The following ZDHHC20 variants were observed in gnomAD, a reference collection of about 807,000 sequenced individuals.
ZDHHC20 encodes the protein palmitoyltransferase ZDHHC20.
Under a neutral mutation model 57.8 loss-of-function variants are expected in ZDHHC20, and 43 were observed. The observed-to-expected ratio is 0.74, with a 90% CI of 0.58 to 0.96. The LOEUF (loss-of-function observed/expected upper bound fraction) is 0.96, where lower values mean the gene tolerates loss of function less well. Ranked by LOEUF, ZDHHC20 falls within the 40% of genes least tolerant of loss-of-function variation. The probability of loss-of-function intolerance (pLI) is 0.00; values close to 1 mark genes in which losing one functional copy is unlikely to be tolerated. For missense variants in ZDHHC20, 391 were observed against 441.1 expected, an observed-to-expected ratio of 0.89 and a Z score of 1.02; for synonymous variants, 157 against 153.0, an observed-to-expected ratio of 1.03 and a Z score of -0.19.
chr13:21,380,932 C>T (rs1387283005), intron 11 of ZDHHC20, among the ~76,000 whole-genome samples: 2 of 152,030 alleles, frequency 1.3e-5, no homozygotes, highest in African/African-American at 2.4e-5. Flanking sequence ...ATACTCTCCT[C>T]GCTCTATCCC....
intron 9 of ZDHHC20, among the ~76,000 whole-genome samples, chr13:21,386,798 C>T (rs1467300180): frequency 6.6e-6 from 1 of 152,228 alleles, no homozygotes; most frequent in Non-Finnish European, 1.5e-5. Context: ...ATTCACCTGC[C>T]TCGGCCTCCC....
chr13:21,380,351 T>C (rs926473961), intron 11 of ZDHHC20, among the ~76,000 whole-genome samples: 3 of 151,574 alleles, frequency 2.0e-5, no homozygotes, highest in African/African-American at 7.3e-5. Context: ...CTTGACCTTG[T>C]GATCCACCCA....
intron 1 of ZDHHC20, among the ~76,000 whole-genome samples, chr13:21,430,997 T>C (rs1881850784): frequency 6.6e-6 from 1 of 152,212 alleles, no homozygotes; most frequent in African/African-American, 2.4e-5. Flanking sequence ...AGCATTCTGT[T>C]ATATGGAGGT....
intron 1 of ZDHHC20, among the ~76,000 whole-genome samples, chr13:21,426,699 A>G (rs529123316): frequency 6.8e-6 from 1 of 146,466 alleles, no homozygotes; most frequent in Non-Finnish European, 1.5e-5. Context: ...TCCACCTCCC[A>G]GGTTCAAGTG....
At chr13:21,404,220 C>T in intron 4 of ZDHHC20, 1 of 446,518 alleles carries the variant, frequency 2.2e-6, no homozygotes. Flanking sequence ...GGTGCGGTGG[C>T]TCACTTGGAA....
chr13:21,430,323 G>A (rs1425058130), intron 1 of ZDHHC20, among the ~76,000 whole-genome samples: 1 of 152,076 alleles, frequency 6.6e-6, no homozygotes, highest in Admixed American at 6.6e-5. Context: ...GGGAAGGGTA[G>A]AGGTGCCTCC....
intron 1 of ZDHHC20, among the ~76,000 whole-genome samples, chr13:21,444,682 T>C (rs868048378): frequency 3.9e-5 from 6 of 152,186 alleles, no homozygotes; most frequent in African/African-American, 4.8e-5. Flanking sequence ...AGTTAGTAGG[T>C]ATATCCGTCC....
At chr13:21,418,968 C>T (rs894401272) in intron 3 of ZDHHC20, among the ~76,000 whole-genome samples, 2 of 152,158 alleles carry the variant, frequency 1.3e-5, no homozygotes, top group Non-Finnish European at 1.5e-5. Flanking sequence ...TAAGCCACCA[C>T]GCCTGGCCTG....
chr13:21,452,899 AG>A lies in ZDHHC20; in HGVS notation c.118+6154del, dbSNP rs1395107798. 4.6e-5 allele frequency among the ~76,000 whole-genome samples: 7 copies of A among 152,326 alleles called. No individual in the cohort carries two copies. The South Asian group carries it at 1.0e-3, about 23-fold the overall frequency. Reference sequence around the variant, plus strand: ...TGTAAAGATCAATTAATTCAAAAGAAGGTCAAAGAAGGAGAAAATGGAACAA... The same window carrying A: ...TGTAAAGATCAATTAATTCAAAAGAAGTCAAAGAAGGAGAAAATGGAACAA... On this transcript the variant is annotated intron_variant, in intron 1 of 12. Coordinates refer to ENST00000400590, the MANE Select transcript of ZDHHC20 (RefSeq NM_001330059.2).
At chr13:21,448,999 TA>T (rs1226413749) in intron 1 of ZDHHC20, among the ~76,000 whole-genome samples, 4 of 118,248 alleles carry the variant, frequency 3.4e-5, no homozygotes, top group Non-Finnish European at 7.6e-5. Context: ...TGTGCTTTGT[TA>T]AACAGATGCT....
chr13:21,449,512 G>C (rs1884234074), intron 1 of ZDHHC20, among the ~76,000 whole-genome samples: 1 of 152,162 alleles, frequency 6.6e-6, no homozygotes, highest in South Asian at 2.1e-4. Flanking sequence ...AAGATGTCTT[G>C]AGGCCTAAGT....
chr13:21,437,933 T>G (rs1256589741), intron 1 of ZDHHC20, among the ~76,000 whole-genome samples: 2 of 152,214 alleles, frequency 1.3e-5, no homozygotes, highest in Non-Finnish European at 2.9e-5. Context: ...CCTCGTGATC[T>G]GCCCGCCTCG....
chr13:21,435,251 T>G (rs977439508), intron 1 of ZDHHC20, among the ~76,000 whole-genome samples: 9 of 152,214 alleles, frequency 5.9e-5, no homozygotes, highest in African/African-American at 1.9e-4. Flanking sequence ...TTTTTTCTAT[T>G]GTGCTTGGTG....
chr13:21,419,084 C>T (rs1057013959), intron 3 of ZDHHC20, among the ~76,000 whole-genome samples: 3 of 152,064 alleles, frequency 2.0e-5, no homozygotes, highest in Admixed American at 1.3e-4. Flanking sequence ...TTTACACATG[C>T]TATGTTTTCA....
intron 1 of ZDHHC20, among the ~76,000 whole-genome samples, chr13:21,448,264 A>G (rs1216575371): frequency 4.5e-5 from 3 of 67,338 alleles, no homozygotes; most frequent in Non-Finnish European, 7.3e-5. Context: ...GGCCGCCCCT[A>G]CTGGGAAGTG....
intron 1 of ZDHHC20, 143 bp from the exon 2 acceptor site, chr13:21,425,821 A>T (rs938629789): frequency 1.9e-6 from 1 of 525,692 alleles, no homozygotes; most frequent in African/African-American, 2.0e-5. Flanking sequence ...GCAAAGTCAA[A>T]ATTGCACTTA....
intron 1 of ZDHHC20, among the ~76,000 whole-genome samples, chr13:21,439,201 T>A (rs929698545): frequency 1.3e-5 from 2 of 152,148 alleles, no homozygotes; most frequent in Non-Finnish European, 2.9e-5. Context: ...TTGAGGAACA[T>A]TTACAAAATA....
intron 1 of ZDHHC20, among the ~76,000 whole-genome samples, chr13:21,444,876 C>T (rs1883525721): frequency 6.6e-6 from 1 of 152,030 alleles, no homozygotes; most frequent in South Asian, 2.1e-4. Flanking sequence ...GGCAACATAG[C>T]AAGACCTCGT....
chr13:21,455,633 G>GGTGTGTGTGTGTGTGTGTGT (rs3070118), intron 1 of ZDHHC20, among the ~76,000 whole-genome samples: 2 of 148,082 alleles, frequency 1.4e-5, no homozygotes, highest in Admixed American at 1.4e-4. Context: ...CCAGTGAAGT[G>GGTGTGTGTGTGTGTGTGTGT]GTGTGTGTGT....
Sources: gnomAD v4.1 joint callset for allele counts (sites outside exome capture counted in the v4.1 genomes callset) on GRCh38, gnomAD v4.1.1 for gene constraint, MANE v1.5 for transcripts, NCBI Gene and HGNC (gene_info 2026-07-23, HGNC 2026-07-21) for gene names.